The following SNX10 variants were observed in gnomAD, a reference collection of about 807,000 sequenced individuals.
SNX10 encodes sorting nexin-10.
In SNX10, 25 loss-of-function variants were observed where a neutral mutation model predicts 28.5. The ratio of observed to expected loss-of-function variants is 0.88; its 90% CI spans 0.64 to 1.22. The LOEUF (loss-of-function observed/expected upper bound fraction) is 1.22, where lower values mean the gene tolerates loss of function less well. Among genes scored for constraint, SNX10 ranks in the 50% most tolerant of loss-of-function variants. The probability of loss-of-function intolerance (pLI) is 0.00; values close to 1 mark genes in which losing one functional copy is unlikely to be tolerated. For synonymous variants in SNX10, 62 were observed against 81.4 expected (o/e 0.76, Z 1.28); for missense variants, 223 against 242.6 (o/e 0.92, Z 0.54).
At chr7:26,348,283 A>G (rs12537599) in intron 2 of SNX10, among the ~76,000 whole-genome samples, 56,307 of 152,036 alleles carry the variant, frequency 0.37, 11,020 homozygotes, top group South Asian at 0.61. Context: ...TTGTTCCGGG[A>G]AATACCCGCC....
intron 2 of SNX10, among the ~76,000 whole-genome samples, chr7:26,359,389 C>T (rs1788975374): frequency 6.6e-6 from 1 of 152,070 alleles, no homozygotes. Flanking sequence ...CAGAAAGCCC[C>T]CGATCTCTCT....
intron 2 of SNX10, among the ~76,000 whole-genome samples, chr7:26,357,967 G>A (rs573352429): frequency 6.6e-6 from 1 of 152,106 alleles, no homozygotes; most frequent in Non-Finnish European, 1.5e-5. Context: ...ATGGGAGGGG[G>A]TTGAATGTGT....
intron 1 of SNX10, among the ~76,000 whole-genome samples, chr7:26,299,116 A>G (rs1786219752): frequency 6.6e-6 from 1 of 152,182 alleles, no homozygotes. Context: ...TGGAAGGATG[A>G]TATGCCCCTA....
intron 2 of SNX10, among the ~76,000 whole-genome samples, chr7:26,350,030 G>C (rs1446006125): frequency 1.3e-5 from 2 of 152,312 alleles, no homozygotes; most frequent in East Asian, 1.9e-4. Context: ...CCTGTGTGAT[G>C]TGACCTGAAG....
chr7:26,358,806 T>TTTTTTTTTTTTTTTTGTTTTTG (rs1562817049), intron 2 of SNX10, among the ~76,000 whole-genome samples: 3 of 52,622 alleles, frequency 5.7e-5, no homozygotes, highest in East Asian at 9.9e-4. Context: ...TTATCTTGTG[T>TTTTTTTTTTTTTTTTGTTTTTG]TTTTTTTTTT....
intron 1 of SNX10, among the ~76,000 whole-genome samples, chr7:26,322,691 A>G (rs1442916221): frequency 6.6e-6 from 1 of 152,242 alleles, no homozygotes; most frequent in Non-Finnish European, 1.5e-5. Flanking sequence ...AATAGTATAA[A>G]ATGGTCATTT....
chr7:26,333,793 G>C (rs946270473), intron 1 of SNX10, among the ~76,000 whole-genome samples: 1 of 152,110 alleles, frequency 6.6e-6, no homozygotes, highest in African/African-American at 2.4e-5. Flanking sequence ...TGTGTTCTCA[G>C]GTTTTTCACA....
chr7:26,354,484 G>A (rs565057006), intron 2 of SNX10, among the ~76,000 whole-genome samples: 205 of 152,218 alleles, frequency 1.3e-3, no homozygotes, highest in African/African-American at 4.8e-3. Flanking sequence ...CTGAGTAGCT[G>A]GGACTACAAG....
At chr7:26,344,985 C>T (rs892210452) in intron 1 of SNX10, among the ~76,000 whole-genome samples, 7 of 152,182 alleles carry the variant, frequency 4.6e-5, no homozygotes, top group Admixed American at 3.3e-4. Flanking sequence ...GCCCCAGGGG[C>T]TCCATGGCTG....
chr7:26,357,346 A>AAG (rs11374181), intron 2 of SNX10, among the ~76,000 whole-genome samples: 2 of 150,652 alleles, frequency 1.3e-5, no homozygotes, highest in Admixed American at 6.6e-5. Context: ...AAAAAAAAAA[A>AAG]GGCAGTAGGG....
intron 2 of SNX10, among the ~76,000 whole-genome samples, chr7:26,358,659 C>T (rs1471603124): frequency 6.6e-6 from 1 of 152,008 alleles, no homozygotes; most frequent in Non-Finnish European, 1.5e-5. Context: ...GTAGGAGGAT[C>T]ATTTTAGCCC....
chr7:26,338,537 G>A (rs896300710), intron 1 of SNX10, among the ~76,000 whole-genome samples: 1 of 152,090 alleles, frequency 6.6e-6, no homozygotes, highest in African/African-American at 2.4e-5. Context: ...GAGTAGCTGG[G>A]ACTACAGGCG....
chr7:26,324,621 A>G (rs1370769514), intron 1 of SNX10, among the ~76,000 whole-genome samples: 1 of 152,114 alleles, frequency 6.6e-6, no homozygotes, highest in Non-Finnish European at 1.5e-5. Flanking sequence ...TCGGCCTCCC[A>G]ACATCCTGGG....
At chr7:26,307,668 C>G (rs991199101) in intron 1 of SNX10, among the ~76,000 whole-genome samples, 2 of 148,392 alleles carry the variant, frequency 1.3e-5, no homozygotes, top group Non-Finnish European at 2.9e-5. Context: ...CCATGTTGCC[C>G]AGGCTAGCAT....
chr7:26,331,109 C>CCACT (rs1161997713), intron 1 of SNX10, among the ~76,000 whole-genome samples: 1 of 150,206 alleles, frequency 6.7e-6, no homozygotes, highest in Admixed American at 6.6e-5. Context: ...TGTGATCACA[C>CCACT]CACTGCACTC....
At position 26,361,075 on chromosome 7, in the gene SNX10, C is replaced by T. The variant is rs1562818734; in HGVS notation, c.111+14C>T. 1.9e-6 allele frequency: 3 copies of T among 1,578,206 alleles called. No homozygotes were observed. The highest frequency in any genetic ancestry group is 1.7e-6 in the Non-Finnish European group (2 of 1,160,524). On this transcript the variant is annotated intron_variant, in intron 3 of 6. Transcript: ENST00000338523. ...ATATGTATTCATGTAAGTATGTAGT[C>T]AGTAGAAATAGTAATTTTGAGGGAC...
chr7:26,365,055 C>T lies in SNX10; in HGVS notation c.221C>T (p.Pro74Leu). ...TTTTTCTTTCTCCTAAGACAACTGC[C>T]AGAACTTCCATCTAAAAACCTGTTT... ...LQSNALLVQL[P>L]ELPSKNLFFN... Residue 74 changes from proline (P) to leucine (L), a missense_variant, in exon 5 of 7, where the codon CCA (proline) becomes CTA (leucine). By Grantham distance (98) the Pro-to-Leu change is moderately conservative. Coordinates refer to ENST00000338523, the MANE Select transcript of SNX10 (RefSeq NM_013322.3). 6.2e-7 allele frequency: 1 copy of T among 1,602,428 alleles called. No homozygotes were observed. Among genetic ancestry groups the T allele is most frequent in the Non-Finnish European group, 8.6e-7 (1 of 1,169,512 alleles).
In SNX10 at chr7:26,364,335, T is replaced by G; in HGVS notation, c.112-200T>G. The stretch of plus-strand genomic sequence containing the variant: ...TCACCCTGGGGCAACACTGCTTATT[T>G]CCATCATCCTGGCTGTCTTCAGGGC... On this transcript the variant is annotated intron_variant, in intron 3 of 6. Transcript: ENST00000338523. This position sits in a 1 kb window ranked among gnomAD's most constrained non-coding sequence, Gnocchi z 4.9. 1.5e-6 allele frequency: 2 copies of G among 1,295,274 alleles called. No individual in the cohort carries two copies. Among genetic ancestry groups the G allele is most frequent in the Non-Finnish European group, 2.0e-6 (2 of 1,021,410 alleles). The allele number at this position is 1,295,274 out of a possible 1,614,324, so 80.2% of individuals were successfully genotyped here. A position where few individuals can be genotyped will look rare whatever the true frequency, so the allele number is the denominator to read the frequency against.
rs1041721472 is a variant in SNX10 at position 26,328,984 on chromosome 7, A to G, written c.-23-17436A>G. On this transcript the variant is annotated intron_variant, in intron 1 of 6. Transcript: ENST00000338523. Reference sequence around the variant, plus strand: ...CCACTGCTGCTTCTCAGTCTGGACCACCATCACCTCTGGCCTGCACCATTA... The same window carrying G: ...CCACTGCTGCTTCTCAGTCTGGACCGCCATCACCTCTGGCCTGCACCATTA... Among the ~76,000 whole-genome samples the G allele has an allele frequency of 3.3e-5, 5 of 152,120 alleles. No homozygotes were observed. In the East Asian group the frequency reaches 9.6e-4, roughly 29 times the overall value.
Sources: allele counts gnomAD v4.1 joint callset (sites outside exome capture counted in the v4.1 genomes callset), GRCh38; gene constraint gnomAD v4.1.1; non-coding constraint Gnocchi (gnomAD v3.1); transcripts MANE v1.5; gene names NCBI Gene and HGNC (gene_info 2026-07-23, HGNC 2026-07-21).